The following SYNPR variants were observed in gnomAD, a reference collection of about 807,000 sequenced individuals.
The protein encoded by SYNPR is synaptoporin.
A neutral mutation model predicts 32.9 loss-of-function variants in SYNPR; 23 were observed. That is an observed-to-expected ratio of 0.70 (90% CI 0.50 to 0.99). SYNPR has a LOEUF of 0.99. Among genes scored for constraint, SYNPR ranks in the 50% least tolerant of loss-of-function variants. SYNPR has a pLI of 0.00. For missense variants in SYNPR, 318 were observed against 349.3 expected (o/e 0.91, Z 0.71); for synonymous variants, 146 against 135.9 (o/e 1.07, Z -0.52).
At chr3:63,576,169 T>C (rs1161142837) in intron 4 of SYNPR, among the ~76,000 whole-genome samples, 3 of 152,196 alleles carry the variant, frequency 2.0e-5, no homozygotes, top group Non-Finnish European at 4.4e-5. Flanking sequence ...ATCAGCAGCG[T>C]CCATCATCCC....
intron 2 of SYNPR, among the ~76,000 whole-genome samples, chr3:63,363,179 A>G (rs1051165244): frequency 6.6e-6 from 1 of 152,156 alleles, no homozygotes. Flanking sequence ...TGTCATTTTA[A>G]AATTTTTTAC....
At chr3:63,421,354 A>T (rs926431453) in intron 2 of SYNPR, among the ~76,000 whole-genome samples, 9 of 151,992 alleles carry the variant, frequency 5.9e-5, no homozygotes, top group Non-Finnish European at 1.2e-4. Context: ...GGAAACCACC[A>T]ACTGTTAATT....
At chr3:63,549,631 G>A (rs1354799802) in intron 3 of SYNPR, among the ~76,000 whole-genome samples, 3 of 152,128 alleles carry the variant, frequency 2.0e-5, no homozygotes, top group Non-Finnish European at 4.4e-5. Context: ...AATGTTGGTG[G>A]TTGTTATTAC....
chr3:63,207,079 G>A, the SYNPR span, among the ~76,000 whole-genome samples: 1 of 152,168 alleles, frequency 6.6e-6, no homozygotes, highest in African/African-American at 2.4e-5. Context: ...TATTGGCAAT[G>A]TGCAGTATTT....
At chr3:63,237,824 T>C (rs2086210684) in intron 1 of SYNPR, among the ~76,000 whole-genome samples, 2 of 151,998 alleles carry the variant, frequency 1.3e-5, no homozygotes, top group South Asian at 2.1e-4. Context: ...CTGGTTCTGG[T>C]TGGTGTTTCC....
chr3:63,358,906 C>T (rs1442568801), intron 2 of SYNPR, among the ~76,000 whole-genome samples: 2 of 152,134 alleles, frequency 1.3e-5, no homozygotes, highest in Non-Finnish European at 2.9e-5. Flanking sequence ...GACATTAGAA[C>T]TGTTGAACAT....
intron 4 of SYNPR, among the ~76,000 whole-genome samples, chr3:63,588,467 A>G (rs1397980567): frequency 6.6e-6 from 1 of 152,034 alleles, no homozygotes; most frequent in Admixed American, 6.6e-5. Context: ...GCTAGTTGTT[A>G]ATTAACTAAA....
At chr3:63,469,840 T>C (rs1037533132) in intron 2 of SYNPR, among the ~76,000 whole-genome samples, 1 of 152,242 alleles carries the variant, frequency 6.6e-6, no homozygotes, top group Admixed American at 6.5e-5. Context: ...TTATAGTCTC[T>C]GTAAATATAA....
intron 1 of SYNPR, among the ~76,000 whole-genome samples, chr3:63,234,703 G>T (rs1047769091): frequency 6.6e-6 from 1 of 152,204 alleles, no homozygotes; most frequent in Non-Finnish European, 1.5e-5. Flanking sequence ...TTGAAATGAA[G>T]GCTTGCCTGT....
intron 4 of SYNPR, among the ~76,000 whole-genome samples, chr3:63,579,386 C>A (rs1703049800): frequency 6.6e-6 from 1 of 152,096 alleles, no homozygotes; most frequent in Non-Finnish European, 1.5e-5. Flanking sequence ...AATAAAGTTT[C>A]CCTGGCCACC....
At chr3:63,543,007 AT>A (rs1168075540) in intron 3 of SYNPR, among the ~76,000 whole-genome samples, 1 of 152,110 alleles carries the variant, frequency 6.6e-6, no homozygotes, top group East Asian at 1.9e-4. Context: ...AGAGCTTTTT[AT>A]TTTTGTAGAT....
chr3:63,408,319 GGAAAGAAAGAAAGAAAGAAA>G lies in SYNPR; in HGVS notation c.85-72468_85-72449del, dbSNP rs1214316826. 5.9e-4 allele frequency among the ~76,000 whole-genome samples: 10 copies of G among 16,812 alleles called. No individual in the cohort carries two copies. The East Asian group carries it at 0.012, about 20-fold the overall frequency. The allele number at this position is 16,812 out of a possible 152,430, so 11.0% of individuals were successfully genotyped here. On this transcript the variant is annotated intron_variant, in intron 2 of 5. Coordinates refer to ENST00000478300, the MANE Select transcript of SYNPR (RefSeq NM_001130003.2). ...AGGAAGGAAGGAAGGAAGGAAGGAA[GGAAAGAAAGAAAGAAAGAAA>G]GAAAGAAAGAAAGAAAGAAAGAAAG...
intron 2 of SYNPR, among the ~76,000 whole-genome samples, chr3:63,418,850 A>G (rs62251428): frequency 0.1 from 15,514 of 152,278 alleles, 1,054 homozygotes; most frequent in African/African-American, 0.19. Context: ...CAGCTGAATC[A>G]TATCACTCAG....
rs138849154 is a variant in SYNPR at position 63,312,506 on chromosome 3, A to G, written c.84+33764A>G. Among the ~76,000 whole-genome samples the G allele has an allele frequency of 3.7e-3, 566 of 151,864 alleles. 5 individuals are homozygous for G. Among genetic ancestry groups the G allele is most frequent in the African/African-American group, 0.013 (542 of 41,436 alleles). On this transcript the variant is annotated intron_variant, in intron 2 of 5. Transcript: ENST00000478300. The stretch of plus-strand genomic sequence containing the variant: ...ATCTCTTTAAACTTCAGCTACATCC[A>G]TCTTCCCCTTCTGTCAGCAGATGCA...
rs191781467 is a variant in SYNPR, at chr3:63,465,485, A to C, written c.85-15347A>C. Among the ~76,000 whole-genome samples the C allele has an allele frequency of 3.0e-3, 457 of 152,212 alleles. 2 individuals are homozygous for C. Among genetic ancestry groups the C allele is most frequent in the Admixed American group, 7.3e-3 (112 of 15,286 alleles). On this transcript the variant is annotated intron_variant, in intron 2 of 5. Transcript: ENST00000478300. Reference sequence around the variant, plus strand: ...AAAAACTATTGGATTTTGTCTATACATATATATTCACTTATAGATTGCTTA... The same window carrying C: ...AAAAACTATTGGATTTTGTCTATACCTATATATTCACTTATAGATTGCTTA...
At chr3:63,574,837 G>A (rs748886067) in intron 4 of SYNPR, among the ~76,000 whole-genome samples, 1 of 152,082 alleles carries the variant, frequency 6.6e-6, no homozygotes, top group South Asian at 2.1e-4. Context: ...AGATAAGCAG[G>A]CAATTTAAGG....
intron 2 of SYNPR, among the ~76,000 whole-genome samples, chr3:63,446,300 T>G (rs943800542): frequency 7.9e-5 from 12 of 151,828 alleles, no homozygotes; most frequent in Non-Finnish European, 1.8e-4. Flanking sequence ...TTTTTTTAAT[T>G]TCTATTCTTT....
intron 3 of SYNPR, among the ~76,000 whole-genome samples, chr3:63,270,569 A>G (rs192937773): frequency 9.8e-4 from 149 of 152,320 alleles, no homozygotes; most frequent in Middle Eastern, 6.8e-3. Context: ...TGAGAGATGT[A>G]TATTTTATAC....
chr3:63,268,267 G>T (rs940374449), intron 3 of SYNPR, among the ~76,000 whole-genome samples: 1 of 152,166 alleles, frequency 6.6e-6, no homozygotes, highest in East Asian at 1.9e-4. Context: ...CAAATCAATT[G>T]ATCCACTGTT....
Sources: gnomAD v4.1 joint callset for allele counts (sites outside exome capture counted in the v4.1 genomes callset) on GRCh38, gnomAD v4.1.1 for gene constraint, MANE v1.5 for transcripts, NCBI Gene and HGNC (gene_info 2026-07-23, HGNC 2026-07-21) for gene names.